The following DAB1 variants were observed in gnomAD, a reference collection of about 807,000 sequenced individuals.
DAB1 encodes the protein disabled homolog 1.
DAB1 carries 15 observed loss-of-function variants against 64.6 expected under a neutral mutation model. That is an observed-to-expected ratio of 0.23 (90% CI 0.16 to 0.36). The LOEUF (loss-of-function observed/expected upper bound fraction) is 0.36. Ranked by LOEUF, DAB1 falls within the 10% of genes least tolerant of loss-of-function variation. The pLI is 1.00. For missense variants in DAB1, 596 were observed against 706.7 expected (o/e 0.84, Z 1.78); for synonymous variants, 235 against 251.9 (o/e 0.93, Z 0.64).
chr1:57,573,848 G>A (rs191805889), intron 7 of DAB1, among the ~76,000 whole-genome samples: 45 of 152,260 alleles, frequency 3.0e-4, no homozygotes, highest in Non-Finnish European at 4.6e-4. Flanking sequence ...AAGTCCTGGC[G>A]TGCAGTATGT....
chr1:57,548,895 G>A (rs1185014051), intron 7 of DAB1, among the ~76,000 whole-genome samples: 1 of 152,148 alleles, frequency 6.6e-6, no homozygotes, highest in African/African-American at 2.4e-5. Flanking sequence ...CATTAATTTA[G>A]TTAATCCTCA....
chr1:57,111,209 C>T (rs1246828970), intron 4 of DAB1, among the ~76,000 whole-genome samples: 2 of 152,040 alleles, frequency 1.3e-5, no homozygotes, highest in Admixed American at 1.3e-4. Context: ...CACACCCATA[C>T]CCTGAGCCCC....
downstream of DAB1, among the ~76,000 whole-genome samples, chr1:57,821,187 C>T (rs1443546416): frequency 1.3e-5 from 2 of 152,100 alleles, no homozygotes; most frequent in Non-Finnish European, 2.9e-5. Flanking sequence ...TGCACCATCG[C>T]CCCCAGAGAA....
intron 7 of DAB1, among the ~76,000 whole-genome samples, chr1:57,491,296 C>T (rs1333155458): frequency 4.0e-5 from 6 of 151,822 alleles, no homozygotes; most frequent in Admixed American, 1.3e-4. Flanking sequence ...GGCGTGGTGG[C>T]AGGCGCCTGT....
In DAB1 at chr1:58,401,697, G is replaced by T. The variant is rs148401610; in HGVS notation, n.258-58294C>A. On this transcript the variant is annotated intron_variant and non_coding_transcript_variant, in intron 3 of 20. Coordinates refer to the DAB1 transcript ENST00000485760. ...AAAACTTGATGAAGGTTGATTGAAT[G>T]AATGAATAACTAGAACAAAAAACTC... 2.0e-4 allele frequency among the ~76,000 whole-genome samples: 31 copies of T among 152,318 alleles called. No individual in the cohort carries two copies. In the East Asian group the frequency reaches 5.8e-3, roughly 28 times the overall value.
rs115910207 is a variant in DAB1, at chr1:57,079,040, A to T, written c.307-6626T>A. Among the ~76,000 whole-genome samples the T allele has an allele frequency of 1.6e-3, 238 of 152,286 alleles. 1 individual carries two copies. Among genetic ancestry groups the T allele is most frequent in the African/African-American group, 5.6e-3 (232 of 41,560 alleles). On this transcript the variant is annotated intron_variant, in intron 4 of 14. Transcript: ENST00000371236. Reference sequence around the variant, plus strand: ...GGAAGTGGTATTTTTTGCTTTGAAGATATATTCACAACATCCTGTTGAGTG... The same window carrying T: ...GGAAGTGGTATTTTTTGCTTTGAAGTTATATTCACAACATCCTGTTGAGTG...
intron 4 of DAB1, among the ~76,000 whole-genome samples, chr1:57,076,664 G>T (rs1652020226): frequency 6.6e-6 from 1 of 152,168 alleles, no homozygotes; most frequent in African/African-American, 2.4e-5. Flanking sequence ...CTCTGCAGAT[G>T]CCCTGGCCTG....
chr1:58,145,365 C>T (rs1041286858), intron 5 of DAB1, among the ~76,000 whole-genome samples: 1 of 152,218 alleles, frequency 6.6e-6, no homozygotes, highest in African/African-American at 2.4e-5. Context: ...ATCCGCAACA[C>T]ATGACGCATC....
chr1:58,046,144 T>C (rs953289816), intron 5 of DAB1, among the ~76,000 whole-genome samples: 1 of 152,216 alleles, frequency 6.6e-6, no homozygotes, highest in African/African-American at 2.4e-5. Context: ...TAAAGTCCTG[T>C]GGTAGATACC....
intron 1 of DAB1, among the ~76,000 whole-genome samples, chr1:58,529,997 C>G (rs1646409529): frequency 6.6e-6 from 1 of 152,036 alleles, no homozygotes; most frequent in African/African-American, 2.4e-5. Flanking sequence ...TCTCCTGCCT[C>G]AGCCTCCCAA....
At chr1:57,737,005 T>C (rs992705908) in intron 6 of DAB1, among the ~76,000 whole-genome samples, 1 of 152,158 alleles carries the variant, frequency 6.6e-6, no homozygotes, top group Non-Finnish European at 1.5e-5. Flanking sequence ...CCTGTCCACC[T>C]TTAAGCCTGA....
intron 4 of DAB1, among the ~76,000 whole-genome samples, chr1:58,187,986 G>A (rs908675569): frequency 6.7e-6 from 1 of 149,800 alleles, no homozygotes; most frequent in Non-Finnish European, 1.5e-5. Flanking sequence ...TCAGCTCACT[G>A]CAACCTCTGC....
At chr1:57,083,453 GT>G (rs1652753903) in intron 4 of DAB1, among the ~76,000 whole-genome samples, 1 of 152,192 alleles carries the variant, frequency 6.6e-6, no homozygotes, top group South Asian at 2.1e-4. Flanking sequence ...AGCTCATGGT[GT>G]AAAATTATTA....
intron 6 of DAB1, among the ~76,000 whole-genome samples, chr1:57,711,499 C>T (rs1206664322): frequency 6.6e-6 from 1 of 152,228 alleles, no homozygotes; most frequent in Non-Finnish European, 1.5e-5. Context: ...AGGAGTGAAA[C>T]TGCTGCTTTG....
chr1:58,527,307 T>C, exon 2 of DAB1: 1 of 872,298 alleles, frequency 1.1e-6, no homozygotes, highest in Non-Finnish European at 2.0e-6. Context: ...GGCCTCCAAT[T>C]TTCTGCTGTA....
At chr1:58,482,187 T>C (rs1424836051) in intron 3 of DAB1, among the ~76,000 whole-genome samples, 4 of 152,208 alleles carry the variant, frequency 2.6e-5, no homozygotes, top group African/African-American at 7.2e-5. Context: ...TGTGTGCACA[T>C]GCACAGGGTG....
At chr1:57,243,685 A>G (rs197626) in intron 2 of DAB1, among the ~76,000 whole-genome samples, 75,691 of 151,958 alleles carry the variant, frequency 0.5, 20,070 homozygotes, top group Admixed American at 0.63. Context: ...TTCCTTAATC[A>G]TTCCTTTCCT....
At chr1:57,792,758 T>G (rs992564865) in intron 6 of DAB1, among the ~76,000 whole-genome samples, 2 of 152,234 alleles carry the variant, frequency 1.3e-5, no homozygotes, top group Non-Finnish European at 2.9e-5. Context: ...CAATAATTGT[T>G]TAGAGAGCTT....
chr1:57,667,520 G>A (rs1483419510), intron 6 of DAB1, among the ~76,000 whole-genome samples: 1 of 152,000 alleles, frequency 6.6e-6, no homozygotes, highest in African/African-American at 2.4e-5. Flanking sequence ...TATGTTTTGT[G>A]TACTGCCATG....
Sources: gnomAD v4.1 joint callset for allele counts (sites outside exome capture counted in the v4.1 genomes callset) on GRCh38, gnomAD v4.1.1 for gene constraint, MANE v1.5 for transcripts, NCBI Gene and HGNC (gene_info 2026-07-23, HGNC 2026-07-21) for gene names.